MCC: variants seen among roughly 807,000 people sequenced by gnomAD.
MCC encodes the protein colorectal mutant cancer protein.
A neutral mutation model predicts 116.2 loss-of-function variants in MCC; 90 were observed. That is an observed-to-expected ratio of 0.77 (90% CI 0.65 to 0.92). MCC has a LOEUF of 0.92. Ranked by LOEUF, MCC falls within the 40% of genes least tolerant of loss-of-function variation. The pLI, the probability that MCC is intolerant of heterozygous loss-of-function variation, is 0.00. For synonymous variants in MCC, 578 were observed against 510.5 expected, an observed-to-expected ratio of 1.13 and a Z score of -1.78; for missense variants, 1,516 against 1,312.2, an observed-to-expected ratio of 1.16 and a Z score of -2.40.
At position 113,053,928 on chromosome 5, in the gene MCC, T is replaced by C. The variant is rs1752649197; in HGVS notation, c.2245A>G (p.Thr749Ala). ...TTSSTASSCD[T>A]EFTKEDEQRL... ...TGCTCGTCTTCTTTAGTGAACTCGG[T>C]GTCGCAACTACTGGCTGTGGAGCTG... Residue 749 changes from threonine to alanine, a missense_variant, in exon 15 of 19, where the codon ACC becomes GCC. Transcript: ENST00000408903. 1.2e-6 allele frequency: 2 copies of C among 1,613,664 alleles called. No homozygotes were observed. Among genetic ancestry groups the C allele is most frequent in the East Asian group, 4.5e-5 (2 of 44,872 alleles).
At position 113,082,968 on chromosome 5, in the gene MCC, T is replaced by G. The variant is rs1369054692; in HGVS notation, c.1676A>C (p.Gln559Pro). Residue 559 changes from glutamine (Q) to proline (P), a missense_variant, in exon 11 of 19, where the codon CAG becomes CCG. Coordinates refer to ENST00000408903, the MANE Select transcript of MCC (RefSeq NM_001085377.2). ...SVAEHLAHSL[Q>P]DCSNIQEIFQ... ...AATCTCTTGGATATTGGAGCAGTCCTGAAGTGAGTGGGCCAGGTGTTCAGC... is the reference window on the plus strand; with the variant it reads ...AATCTCTTGGATATTGGAGCAGTCCGGAAGTGAGTGGGCCAGGTGTTCAGC... 4.3e-6 allele frequency: 7 copies of G among 1,614,082 alleles called. No individual in the cohort carries two copies. The African/African-American group carries it at 9.3e-5, about 22-fold the overall frequency.
At chr5:113,255,531 G>T (rs1764972707) in intron 3 of MCC, among the ~76,000 whole-genome samples, 1 of 152,176 alleles carries the variant, frequency 6.6e-6, no homozygotes, top group South Asian at 2.1e-4. Flanking sequence ...TTCCTATTCT[G>T]AATGAAGCCC....
chr5:113,214,413 C>A lies in MCC; in HGVS notation c.628-62991G>T, dbSNP rs1763238024. 2.0e-5 allele frequency among the ~76,000 whole-genome samples: 3 copies of A among 152,210 alleles called. No individual in the cohort carries two copies. In the South Asian group the frequency reaches 6.2e-4, roughly 31 times the overall value. ...GCCTTGCGTGTTCATTCGCTGCGCT[C>A]CTATACTGGGTGCCATGGAACAATG... is the stretch of plus-strand genomic sequence containing the variant. On this transcript the variant is annotated intron_variant, in intron 3 of 18. Transcript: ENST00000408903.
At chr5:113,143,085 C>T (rs1759275493) in intron 5 of MCC, 133 bp downstream of exon 5, 1 of 958,980 alleles carries the variant, frequency 1.0e-6, no homozygotes, top group African/African-American at 1.7e-5. Context: ...ACAAAGAAAA[C>T]ATCATTATAA....
At position 113,052,938 on chromosome 5, in the gene MCC, G is replaced by T. The variant is rs554890986; in HGVS notation, c.2448+787C>A. Among the ~76,000 whole-genome samples, 50 of 152,172 alleles carry T rather than the reference G, an allele frequency of 3.3e-4. No homozygotes were observed. In the South Asian group the frequency reaches 5.4e-3, roughly 16 times the overall value. Reference sequence around the variant, plus strand: ...CCCTAGCTCAGCAAGAAACTCCAAGGGTTTCTCAAACTCTGTCCCAAAACC... The same window carrying T: ...CCCTAGCTCAGCAAGAAACTCCAAGTGTTTCTCAAACTCTGTCCCAAAACC... On this transcript the variant is annotated intron_variant, in intron 15 of 18. Coordinates refer to ENST00000408903, the MANE Select transcript of MCC (RefSeq NM_001085377.2).
rs1047143227 is a variant in MCC, at chr5:113,022,975, T to G, written c.*4327A>C. On this transcript the variant is annotated 3_prime_UTR_variant, in exon 19 of 19. Transcript: ENST00000408903. ...GCAAAAATGTATGGTGATCTGCATG[T>G]GAAACTGTCTTTCTCTACACAGGTA... 6.6e-6 allele frequency: 1 copy of G among 152,216 alleles called. No homozygotes were observed. The highest frequency in any genetic ancestry group is 2.4e-5 in the African/African-American group (1 of 41,458). The allele number at this position is 152,216 out of a possible 1,614,324, so 9.4% of individuals were successfully genotyped here. A position where few individuals can be genotyped will look rare whatever the true frequency, so the allele number is the denominator to read the frequency against.
chr5:113,419,415 T>G (rs1442753858), intron 1 of MCC, among the ~76,000 whole-genome samples: 1 of 151,898 alleles, frequency 6.6e-6, no homozygotes, highest in East Asian at 1.9e-4. Context: ...CAGGCTGGTC[T>G]CAAACTCCTG....
intron 1 of MCC, among the ~76,000 whole-genome samples, chr5:113,432,015 A>G (rs1484720513): frequency 2.0e-5 from 3 of 152,202 alleles, no homozygotes; most frequent in Non-Finnish European, 2.9e-5. Context: ...ACACGCCTGT[A>G]GTCCCAGCTA....
chr5:113,224,495 C>T (rs1277589359), intron 3 of MCC, among the ~76,000 whole-genome samples: 1 of 152,190 alleles, frequency 6.6e-6, no homozygotes, highest in African/African-American at 2.4e-5. Flanking sequence ...GTTTTCCTCA[C>T]AGGAACTGCC....
chr5:113,432,320 CAAAAAAAAAAA>C (rs66577040), intron 1 of MCC, among the ~76,000 whole-genome samples: 3 of 68,612 alleles, frequency 4.4e-5, no homozygotes, highest in African/African-American at 1.5e-4. Flanking sequence ...GACTCTGTCT[CAAAAAAAAAAA>C]AAAAAAAAAA....
chr5:113,230,229 C>T (rs1215716694), intron 3 of MCC, among the ~76,000 whole-genome samples: 1 of 152,168 alleles, frequency 6.6e-6, no homozygotes, highest in African/African-American at 2.4e-5. Flanking sequence ...CAGTTGCTTT[C>T]ATCATTTAAA....
chr5:113,270,694 C>T (rs1765578678), intron 3 of MCC, among the ~76,000 whole-genome samples: 1 of 148,162 alleles, frequency 6.7e-6, no homozygotes. Context: ...AATAAGATAA[C>T]TTTTCCACTT....
At chr5:113,255,329 C>T (rs893026791) in intron 3 of MCC, among the ~76,000 whole-genome samples, 9 of 152,132 alleles carry the variant, frequency 5.9e-5, no homozygotes, top group Non-Finnish European at 8.8e-5. Flanking sequence ...TTTTCCTTCC[C>T]TGTTTTTCCT....
At chr5:113,085,041 C>A in intron 9 of MCC, 123 bp downstream of exon 9, 2 of 1,360,720 alleles carry the variant, frequency 1.5e-6, no homozygotes, top group South Asian at 1.2e-5. Flanking sequence ...TGCGTAAGGT[C>A]CCAGGGGAAG....
At chr5:113,230,917 C>T (rs901176172) in intron 3 of MCC, among the ~76,000 whole-genome samples, 1 of 152,158 alleles carries the variant, frequency 6.6e-6, no homozygotes, top group Non-Finnish European at 1.5e-5. Context: ...CATGCTCCTA[C>T]GTGCTCCCCA....
intron 3 of MCC, among the ~76,000 whole-genome samples, chr5:113,227,633 T>A (rs567383271): frequency 6.6e-6 from 1 of 152,222 alleles, no homozygotes; most frequent in African/African-American, 2.4e-5. Flanking sequence ...TATGTTTCTA[T>A]AGACAGTAGA....
intron 3 of MCC, among the ~76,000 whole-genome samples, chr5:113,198,409 G>C (rs1762520014): frequency 6.6e-6 from 1 of 151,958 alleles, no homozygotes; most frequent in African/African-American, 2.4e-5. Context: ...ATGTACAGAT[G>C]TGGGGCCAGG....
intron 1 of MCC, among the ~76,000 whole-genome samples, chr5:113,485,187 T>G (rs754894467): frequency 1.3e-5 from 2 of 152,070 alleles, no homozygotes; most frequent in Non-Finnish European, 2.9e-5. Context: ...TCCCTGACAT[T>G]TCCCCTCACG....
At chr5:113,475,944 A>C (rs1772223953) in intron 1 of MCC, among the ~76,000 whole-genome samples, 1 of 152,250 alleles carries the variant, frequency 6.6e-6, no homozygotes, top group Non-Finnish European at 1.5e-5. Context: ...CAAAGATTAC[A>C]TAAAATAATG....
Sources: gnomAD v4.1 joint callset for allele counts (sites outside exome capture counted in the v4.1 genomes callset) on GRCh38, gnomAD v4.1.1 for gene constraint, MANE v1.5 for transcripts, NCBI Gene and HGNC (gene_info 2026-07-23, HGNC 2026-07-21) for gene names.